Variants in MSH4 observed in about 807,000 individuals in gnomAD.
MSH4 encodes mutS homolog 4, also known as mutS protein homolog 4.
In MSH4, 106 loss-of-function variants were observed where a neutral mutation model predicts 113.7. The observed-to-expected ratio is 0.93, with a 90% CI of 0.80 to 1.10. The LOEUF (loss-of-function observed/expected upper bound fraction) is 1.10. Ranked by LOEUF, MSH4 falls within the 50% of genes least tolerant of loss-of-function variation. The pLI, the probability that MSH4 is intolerant of heterozygous loss-of-function variation, is 0.00. For missense variants in MSH4, 1,061 were observed against 1,093.7 expected, an observed-to-expected ratio of 0.97 and a Z score of 0.42; for synonymous variants, 368 against 380.2, an observed-to-expected ratio of 0.97 and a Z score of 0.37.
At chr1:75,835,989 CTT>C (rs1445384071) in intron 7 of MSH4, among the ~76,000 whole-genome samples, 2 of 152,150 alleles carry the variant, frequency 1.3e-5, no homozygotes, top group Admixed American at 1.3e-4. Context: ...CACCTGGACT[CTT>C]TTTCTATGCC....
rs1276931559 is a variant in MSH4 at position 75,797,159 on chromosome 1, A to G, written c.174A>G (p.Gly58=). ...VSASTCPGTS[G]AAGDRSSSSS... is the part of the protein sequence containing the mutation. ...CATCCACCTGTCCTGGCACGTCAGG[A>G]GCTGCGGGCGACCGGAGCAGCAGCA... The change falls in exon 1 of 20, where the codon GGA becomes GGG. Residue 58 remains glycine (G), a synonymous_variant. Transcript: ENST00000263187. 1 of 1,612,352 alleles carries G rather than the reference A, an allele frequency of 6.2e-7. No individual in the cohort carries two copies. Among genetic ancestry groups the G allele is most frequent in the East Asian group, 2.2e-5 (1 of 44,834 alleles).
At chr1:75,862,279 C>T (rs1468776939) in intron 8 of MSH4, among the ~76,000 whole-genome samples, 2 of 152,186 alleles carry the variant, frequency 1.3e-5, no homozygotes, top group Non-Finnish European at 2.9e-5. Context: ...GCTCACCCTC[C>T]GTGGGCTGTA....
At chr1:75,841,445 A>G (rs1168026001) in intron 7 of MSH4, among the ~76,000 whole-genome samples, 1 of 151,822 alleles carries the variant, frequency 6.6e-6, no homozygotes, top group Non-Finnish European at 1.5e-5. Context: ...CAATCCTCTC[A>G]TCTCAACCTC....
intron 6 of MSH4, among the ~76,000 whole-genome samples, chr1:75,819,811 A>G (rs369328798): frequency 1.3e-5 from 2 of 152,136 alleles, no homozygotes; most frequent in South Asian, 4.2e-4. Context: ...CCCGGGTTCA[A>G]GTGATTCTTA....
rs1335111881 is a variant in MSH4, at chr1:75,867,566, T to G, written c.1283T>G (p.Leu428Trp). ...AATTTAATATACTTAAAACATACCT[T>G]GGAACTTGTGGATCCTTTAAAGGTA... ...ITNLIYLKHT[L>W]ELVDPLKIAM... Residue 428 changes from leucine to tryptophan, a missense_variant, in exon 9 of 20, where the codon TTG (leucine) becomes TGG (tryptophan). Transcript: ENST00000263187. 1 of 1,576,126 alleles carries G rather than the reference T, an allele frequency of 6.3e-7. No homozygotes were observed. Among genetic ancestry groups the G allele is most frequent in the Admixed American group, 1.8e-5 (1 of 56,804 alleles).
chr1:75,912,279 A>G (rs1303778839), intron 19 of MSH4, among the ~76,000 whole-genome samples: 2 of 152,076 alleles, frequency 1.3e-5, no homozygotes, highest in Non-Finnish European at 2.9e-5. Context: ...CTTTGGCATC[A>G]TTTAAAAGTA....
At position 75,848,188 on chromosome 1, in the gene MSH4, ACATT is replaced by A. The variant is rs770226157; in HGVS notation, c.1163-20_1163-17del. ...ACTGTACCATAAAGTTTAAATACTC[ACATT>A]TGTTTGTTTGTTTCAGTTATATCAA... On this transcript the variant is annotated splice_polypyrimidine_tract_variant and intron_variant, in intron 7 of 19. Transcript: ENST00000263187. The A allele has an allele frequency of 2.6e-6, 4 of 1,530,486 alleles. No individual in the cohort carries two copies. The African/African-American group carries it at 4.1e-5, about 16-fold the overall frequency. 94.8% of individuals were successfully genotyped at this position (1,530,486 alleles called of 1,614,324 possible).
At chr1:75,836,118 T>A (rs1220999717) in intron 7 of MSH4, among the ~76,000 whole-genome samples, 1 of 152,126 alleles carries the variant, frequency 6.6e-6, no homozygotes, top group East Asian at 1.9e-4. Context: ...CACATTGATT[T>A]GGCAAAAACC....
intron 7 of MSH4, among the ~76,000 whole-genome samples, chr1:75,832,818 C>T (rs929478184): frequency 6.6e-6 from 1 of 152,128 alleles, no homozygotes; most frequent in Non-Finnish European, 1.5e-5. Flanking sequence ...GACACACCCA[C>T]AGCCAATATC....
At chr1:75,905,658 TA>T (rs1482258357) in intron 19 of MSH4, among the ~76,000 whole-genome samples, 5 of 152,178 alleles carry the variant, frequency 3.3e-5, no homozygotes, top group African/African-American at 9.7e-5. Context: ...TGAAGACCCC[TA>T]CTAGTATTGT....
intron 8 of MSH4, among the ~76,000 whole-genome samples, chr1:75,856,313 G>C (rs569773525): frequency 6.6e-6 from 1 of 151,542 alleles, no homozygotes; most frequent in Admixed American, 6.6e-5. Flanking sequence ...GTATATTTTA[G>C]GTTCTGGGTT....
At chr1:75,834,388 T>C (rs1242871825) in intron 7 of MSH4, among the ~76,000 whole-genome samples, 2 of 152,198 alleles carry the variant, frequency 1.3e-5, no homozygotes, top group African/African-American at 4.8e-5. Context: ...CTCAAGGATC[T>C]AGAACTAGAA....
At chr1:75,896,346 A>AACAC (rs4035039) in intron 17 of MSH4, among the ~76,000 whole-genome samples, 113 of 137,292 alleles carry the variant, frequency 8.2e-4, no homozygotes, top group African/African-American at 2.9e-3. Context: ...ACACACATAC[A>AACAC]ACACACACAC....
rs1387498675 is a variant in MSH4, at chr1:75,829,786, C to T, written c.1162+7205C>T. Among the ~76,000 whole-genome samples, 3 of 152,256 alleles carry T rather than the reference C, an allele frequency of 2.0e-5. No individual in the cohort carries two copies. The South Asian group carries it at 6.2e-4, about 32-fold the overall frequency. On this transcript the variant is annotated intron_variant, in intron 7 of 19. Coordinates refer to ENST00000263187, the MANE Select transcript of MSH4 (RefSeq NM_002440.4). ...CATCCACACCAAAACACCATCTGTA[C>T]ACCACCATCATCAAAGACCAAAGGT... is the stretch of plus-strand genomic sequence containing the variant.
intron 7 of MSH4, among the ~76,000 whole-genome samples, chr1:75,824,347 A>G (rs1650497460): frequency 1.3e-5 from 2 of 152,128 alleles, no homozygotes; most frequent in South Asian, 4.1e-4. Context: ...AATGTTTTTA[A>G]GTTCCTTGTG....
rs1411017063 is a variant in MSH4 at position 75,881,405 on chromosome 1, A to G, written c.1906+35A>G. 8 of 1,596,194 alleles carry G rather than the reference A, an allele frequency of 5.0e-6. No individual in the cohort carries two copies. The South Asian group carries it at 9.0e-5, about 18-fold the overall frequency. On this transcript the variant is annotated intron_variant, in intron 14 of 19. Coordinates refer to ENST00000263187, the MANE Select transcript of MSH4 (RefSeq NM_002440.4). ...TTTCTTTGGAATAAACATATTGCAT[A>G]GTTAAATTTGTATTCGATTCAAACA... is the stretch of plus-strand genomic sequence containing the variant.
chr1:75,828,861 C>T (rs1271405541), intron 7 of MSH4, among the ~76,000 whole-genome samples: 5 of 152,116 alleles, frequency 3.3e-5, no homozygotes, highest in African/African-American at 1.2e-4. Flanking sequence ...GGAACAGCTC[C>T]AGTCTGCAGC....
intron 19 of MSH4, among the ~76,000 whole-genome samples, chr1:75,907,684 C>CTCTCTATATATATATATATATATATATA (rs1307238647): frequency 2.1e-5 from 1 of 46,566 alleles, no homozygotes; most frequent in Non-Finnish European, 3.7e-5. Flanking sequence ...CTCTCTCTCT[C>CTCTCTATATATATATATATATATATATA]TATACATATA....
In MSH4 at chr1:75,832,593, A is replaced by T. The variant is rs557840404; in HGVS notation, c.1162+10012A>T. ...ATCAAAAAGCTTATCCACCACGATC[A>T]AGGCGGCTTTCTCCCTGGGATGCAA... On this transcript the variant is annotated intron_variant, in intron 7 of 19. Transcript: ENST00000263187. Among the ~76,000 whole-genome samples, 10 of 152,330 alleles carry T rather than the reference A, an allele frequency of 6.6e-5. No homozygotes were observed. The South Asian group carries it at 2.1e-3, about 32-fold the overall frequency.
Sources: gnomAD v4.1 joint callset for allele counts (sites outside exome capture counted in the v4.1 genomes callset) on GRCh38, gnomAD v4.1.1 for gene constraint, MANE v1.5 for transcripts, NCBI Gene and HGNC (gene_info 2026-07-23, HGNC 2026-07-21) for gene names.